The following BOLL variants were observed in gnomAD, a reference collection of about 807,000 sequenced individuals.
The protein encoded by BOLL is protein boule-like.
In BOLL, 23 loss-of-function variants were observed where a neutral mutation model predicts 44.4. The observed-to-expected ratio is 0.52, with a 90% CI of 0.37 to 0.73. BOLL has a LOEUF of 0.73. Ranked by LOEUF, BOLL falls within the 30% of genes least tolerant of loss-of-function variation. BOLL has a pLI of 0.00. For missense variants in BOLL, 287 were observed against 338.3 expected (o/e 0.85, Z 1.19); for synonymous variants, 97 against 110.8 (o/e 0.88, Z 0.78).
chr2:197,757,758 G>GAA (rs2106351826), intron 7 of BOLL, among the ~76,000 whole-genome samples: 1 of 152,180 alleles, frequency 6.6e-6, no homozygotes, highest in Admixed American at 6.5e-5. Flanking sequence ...CAGGATGAGA[G>GAA]AAAACATGGA....
chr2:197,727,639 T>A lies in BOLL; in HGVS notation c.*916A>T, dbSNP rs964517847. ...TTTTAAAAATTAATCACATATATAATTGAATATATTGGTTGCATATCAGAA... is the reference window on the plus strand; with the variant it reads ...TTTTAAAAATTAATCACATATATAAATGAATATATTGGTTGCATATCAGAA... On this transcript the variant is annotated 3_prime_UTR_variant, in exon 11 of 11. Coordinates refer to ENST00000392296, the MANE Select transcript of BOLL (RefSeq NM_033030.6). 4 of 152,294 alleles carry A rather than the reference T, an allele frequency of 2.6e-5. No individual in the cohort carries two copies. Among genetic ancestry groups the A allele is most frequent in the Admixed American group, 1.3e-4 (2 of 15,278 alleles). The allele number at this position is 152,294 out of a possible 1,614,324, so 9.4% of individuals were successfully genotyped here. A position where few individuals can be genotyped will look rare whatever the true frequency, so the allele number is the denominator to read the frequency against.
chr2:197,776,597 A>G lies in BOLL; in HGVS notation c.276+462T>C, dbSNP rs148991434. Among the ~76,000 whole-genome samples, 386 of 152,060 alleles carry G rather than the reference A, an allele frequency of 2.5e-3. 5 individuals are homozygous for G. The highest frequency in any genetic ancestry group is 9.0e-3 in the African/African-American group (373 of 41,512). On this transcript the variant is annotated intron_variant, in intron 4 of 10. Coordinates refer to ENST00000392296, the MANE Select transcript of BOLL (RefSeq NM_033030.6). Reference sequence around the variant, plus strand: ...CTGTATTTGATTTTAATAACATACAATTCAAATTCTACTTTTTTTCTAAAA... The same window carrying G: ...CTGTATTTGATTTTAATAACATACAGTTCAAATTCTACTTTTTTTCTAAAA...
At chr2:197,728,621 A>T in intron 10 of BOLL, 43 bp from the exon 11 acceptor site, 1 of 1,324,782 alleles carries the variant, frequency 7.5e-7, no homozygotes, top group South Asian at 1.3e-5. Context: ...GACTGAATGG[A>T]AAAAAAAAGA....
chr2:197,765,978 A>G (rs774927156), intron 7 of BOLL, among the ~76,000 whole-genome samples: 1 of 152,130 alleles, frequency 6.6e-6, no homozygotes, highest in African/African-American at 2.4e-5. Flanking sequence ...CAGTTTGCTA[A>G]GGATAATGGC....
chr2:197,769,408 G>A (rs1689136351), intron 6 of BOLL, among the ~76,000 whole-genome samples: 1 of 152,004 alleles, frequency 6.6e-6, no homozygotes, highest in Admixed American at 6.6e-5. Context: ...ATGTGTCCAG[G>A]AATTTATCCA....
At chr2:197,778,566 T>C (rs1226277863) in intron 3 of BOLL, among the ~76,000 whole-genome samples, 1 of 151,776 alleles carries the variant, frequency 6.6e-6, no homozygotes, top group East Asian at 1.9e-4. Flanking sequence ...ATTAGGTCTC[T>C]GAGGCACAAC....
chr2:197,751,607 T>A (rs896423697), intron 9 of BOLL, among the ~76,000 whole-genome samples: 1 of 152,078 alleles, frequency 6.6e-6, no homozygotes, highest in Non-Finnish European at 1.5e-5. Flanking sequence ...AGAAGTTGAA[T>A]CCCTGAATAG....
intron 2 of BOLL, among the ~76,000 whole-genome samples, chr2:197,779,484 C>T (rs1433792746): frequency 6.6e-6 from 1 of 151,834 alleles, no homozygotes; most frequent in Non-Finnish European, 1.5e-5. Context: ...TTGGCCTACA[C>T]CAGTCATTCT....
intron 7 of BOLL, among the ~76,000 whole-genome samples, chr2:197,758,203 T>C (rs1219622402): frequency 6.6e-6 from 1 of 152,232 alleles, no homozygotes; most frequent in East Asian, 1.9e-4. Context: ...TGTATGTGAA[T>C]GTCCATCGCA....
intron 6 of BOLL, among the ~76,000 whole-genome samples, chr2:197,768,133 C>A (rs1025110735): frequency 1.3e-5 from 2 of 151,946 alleles, no homozygotes; most frequent in Non-Finnish European, 2.9e-5. Context: ...AAACAGCATT[C>A]ATTAAAGCAA....
rs541124588 is a variant in BOLL, at chr2:197,727,151, A to T, written c.*1404T>A. The T allele has an allele frequency of 1.3e-5, 2 of 152,428 alleles. No individual in the cohort carries two copies. Among genetic ancestry groups the T allele is most frequent in the African/African-American group, 4.8e-5 (2 of 41,554 alleles). 9.4% of individuals were successfully genotyped at this position (152,428 alleles called of 1,614,324 possible). A position where few individuals can be genotyped will look rare whatever the true frequency, so the allele number is the denominator to read the frequency against. ...CCTTGTATGCTAGTATACATTCATA[A>T]GGTTCTACTGTTCTCATGAAGCCAT... On this transcript the variant is annotated 3_prime_UTR_variant, in exon 11 of 11. Coordinates refer to ENST00000392296, the MANE Select transcript of BOLL (RefSeq NM_033030.6).
intron 9 of BOLL, among the ~76,000 whole-genome samples, chr2:197,748,705 G>A (rs1473408884): frequency 6.6e-6 from 1 of 152,206 alleles, no homozygotes; most frequent in Admixed American, 6.5e-5. Flanking sequence ...TCTGGGCAGG[G>A]CATCTCTGAA....
chr2:197,777,165 A>G, intron 3 of BOLL, 52 bp from the exon 4 acceptor site: 1 of 1,202,118 alleles, frequency 8.3e-7, no homozygotes, highest in Non-Finnish European at 1.1e-6. Context: ...AGAATGTTAT[A>G]TTAATTATAT....
intron 10 of BOLL, among the ~76,000 whole-genome samples, chr2:197,732,234 CAT>C (rs1687223304): frequency 6.6e-6 from 1 of 151,894 alleles, no homozygotes; most frequent in Non-Finnish European, 1.5e-5. Context: ...TTTCTCGACA[CAT>C]ACACTCTCCC....
At chr2:197,765,476 T>C (rs551557401) in intron 7 of BOLL, among the ~76,000 whole-genome samples, 40 of 152,164 alleles carry the variant, frequency 2.6e-4, no homozygotes, top group Admixed American at 2.4e-3. Context: ...TAGGAGGCTA[T>C]TGAATGCTCC....
chr2:197,750,738 C>G (rs754562231), intron 9 of BOLL, among the ~76,000 whole-genome samples: 1 of 152,060 alleles, frequency 6.6e-6, no homozygotes, highest in Non-Finnish European at 1.5e-5. Flanking sequence ...GACAGATCAA[C>G]GAGACAGAAA....
At chr2:197,731,374 A>C (rs1333824857) in intron 10 of BOLL, among the ~76,000 whole-genome samples, 13 of 146,722 alleles carry the variant, frequency 8.9e-5, no homozygotes, top group Admixed American at 7.5e-4. Flanking sequence ...GGGAGACTTT[A>C]ACACCCCACT....
At chr2:197,736,137 A>G (rs1451989552) in intron 10 of BOLL, among the ~76,000 whole-genome samples, 2 of 152,122 alleles carry the variant, frequency 1.3e-5, no homozygotes, top group Non-Finnish European at 2.9e-5. Flanking sequence ...CAGTAATTAG[A>G]CATATTGGCA....
chr2:197,775,407 A>T (rs1689462053), intron 5 of BOLL, among the ~76,000 whole-genome samples: 2 of 151,850 alleles, frequency 1.3e-5, no homozygotes, highest in South Asian at 4.1e-4. Context: ...TTTCATCACG[A>T]AAGATTTTTT....
Sources: allele counts gnomAD v4.1 joint callset (sites outside exome capture counted in the v4.1 genomes callset), GRCh38; gene constraint gnomAD v4.1.1; transcripts MANE v1.5; gene names NCBI Gene and HGNC (gene_info 2026-07-23, HGNC 2026-07-21).